SDS: variants seen among roughly 807,000 people sequenced by gnomAD.
SDS encodes the protein L-serine dehydratase/L-threonine deaminase.
SDS carries 19 observed loss-of-function variants against 29.3 expected under a neutral mutation model. The ratio of observed to expected loss-of-function variants is 0.65; its 90% CI spans 0.45 to 0.95. SDS has a LOEUF of 0.95. Ranked by LOEUF, SDS falls within the 40% of genes least tolerant of loss-of-function variation. The pLI, the probability that SDS is intolerant of heterozygous loss-of-function variation, is 0.00. For missense variants in SDS, 375 were observed against 439.9 expected, an observed-to-expected ratio of 0.85 and a Z score of 1.32; for synonymous variants, 176 against 189.0, an observed-to-expected ratio of 0.93 and a Z score of 0.56.
intron 6 of SDS, among the ~76,000 whole-genome samples, chr12:113,394,786 A>G (rs974064151): frequency 6.6e-6 from 1 of 152,034 alleles, no homozygotes; most frequent in African/African-American, 2.4e-5. Flanking sequence ...CCGGGTTACA[A>G]CCGCTACCTG....
intron 7 of SDS, among the ~76,000 whole-genome samples, chr12:113,393,455 A>G (rs1300994264): frequency 6.6e-6 from 1 of 152,250 alleles, no homozygotes; most frequent in African/African-American, 2.4e-5. Context: ...CCAAGTGTGC[A>G]GCAGGTACAG....
intron 3 of SDS, 21 bp downstream of exon 3, chr12:113,399,091 A>G (rs1957667656): frequency 1.9e-6 from 3 of 1,613,538 alleles, no homozygotes; most frequent in Non-Finnish European, 2.5e-6. Flanking sequence ...AGAGGACAGG[A>G]TGGGGAAGCA....
rs147604475 is a variant in SDS at position 113,393,798 on chromosome 12, C to T, written c.778+94G>A. 10,065 of 1,547,120 alleles carry T rather than the reference C, an allele frequency of 6.5e-3. 142 individuals carry two copies. Among genetic ancestry groups the T allele is most frequent in the African/African-American group, 0.049 (3,636 of 73,538 alleles). ...GTGGAAGACAGAACTGTGAAGGAAACTTGGGGTGAGTGGGATCCCCAGTGG... is the reference window on the plus strand; with the variant it reads ...GTGGAAGACAGAACTGTGAAGGAAATTTGGGGTGAGTGGGATCCCCAGTGG... On this transcript the variant is annotated intron_variant, in intron 7 of 7. Coordinates refer to ENST00000257549, the MANE Select transcript of SDS (RefSeq NM_006843.3).
chr12:113,394,053 G>A (rs1455007883), intron 6 of SDS, 37 bp from the exon 7 acceptor site: 21 of 1,609,690 alleles, frequency 1.3e-5, no homozygotes, highest in East Asian at 4.5e-5. Context: ...GATGGGAGTG[G>A]GGGAAACAGG....
At chr12:113,398,967 G>A (rs1957667107) in intron 3 of SDS, 121 bp from the exon 4 acceptor site, 16 of 1,523,136 alleles carry the variant, frequency 1.1e-5, no homozygotes, top group South Asian at 4.8e-5. Context: ...CTGGGCGACT[G>A]CTGGCCTCCC....
Position 113,395,834 on chromosome 12 carries a change from G to A in SDS, c.653+1331C>T, listed in dbSNP as rs148510250. Among the ~76,000 whole-genome samples, 912 of 152,268 alleles carry A rather than the reference G, an allele frequency of 6.0e-3. 13 individuals carry two copies. Among genetic ancestry groups the A allele is most frequent in the African/African-American group, 0.02 (848 of 41,556 alleles). ...CCTAATTAAATACTATCTACCAGCC[G>A]GGTGCGGTGGCTCACGCCTGTAATC... On this transcript the variant is annotated intron_variant, in intron 6 of 7. Coordinates refer to ENST00000257549, the MANE Select transcript of SDS (RefSeq NM_006843.3).
Position 113,398,842 on chromosome 12 carries a change from G to T in SDS, c.198C>A (p.Gly66=). 1 of 1,603,924 alleles carries T rather than the reference G, an allele frequency of 6.2e-7. No homozygotes were observed. Among genetic ancestry groups the T allele is most frequent in the Non-Finnish European group, 8.5e-7 (1 of 1,175,458 alleles). ...GCAHFVCSSA[G]NAGMAAAYAA... Reference sequence around the variant, plus strand: ...CATATGCAGCCGCCATGCCTGCGTTGCCCGCTGCCAGGGTCGGGGGTGGAG... The same window carrying T: ...CATATGCAGCCGCCATGCCTGCGTTTCCCGCTGCCAGGGTCGGGGGTGGAG... Residue 66 remains glycine, a synonymous_variant, in exon 4 of 8, where the codon GGC becomes GGA. Coordinates refer to ENST00000257549, the MANE Select transcript of SDS (RefSeq NM_006843.3).
intron 3 of SDS, 129 bp from the exon 4 acceptor site, chr12:113,398,975 C>A: frequency 5.2e-6 from 8 of 1,532,978 alleles, no homozygotes; most frequent in Non-Finnish European, 7.1e-6. Flanking sequence ...CTGCTGGCCT[C>A]CCCCTGGAAT....
intron 5 of SDS, among the ~76,000 whole-genome samples, chr12:113,397,661 C>T (rs1423927593): frequency 6.6e-6 from 1 of 152,204 alleles, no homozygotes; most frequent in Non-Finnish European, 1.5e-5. Context: ...CTCCCCTGCT[C>T]CTTCTCCCAG....
In SDS at chr12:113,392,968, C is replaced by CAGCT. The variant is rs747373013; in HGVS notation, c.956_959dup (p.Gly321AlafsTer6). On this transcript the variant is annotated frameshift_variant, in exon 8 of 8. Transcript: ENST00000257549. LOFTEE classifies it high-confidence loss of function. ...ACTTGGGCAACCTATTTGTCATGCC[C>CAGCT]AGCTGTTCCTTGAGCGCCCGCAGCT... 2.5e-6 allele frequency: 4 copies of CAGCT among 1,614,032 alleles called. No individual in the cohort carries two copies. The highest frequency in any genetic ancestry group is 3.4e-6 in the Non-Finnish European group (4 of 1,180,032).
At chr12:113,403,545 G>A (rs1474670048) in intron 1 of SDS, among the ~76,000 whole-genome samples, 2 of 151,546 alleles carry the variant, frequency 1.3e-5, no homozygotes, top group East Asian at 3.9e-4. Context: ...AATTTTTTTT[G>A]TAGAGATTGG....
rs1957669584 is a variant in SDS at position 113,399,329 on chromosome 12, AG to A, written c.154-179del. On this transcript the variant is annotated intron_variant, in intron 2 of 7. Transcript: ENST00000257549. ...ATCTCCAAAGAGACTGGCTCAGGAAAGGGTGGAGGAAAATAGGCGACTGATG... is the reference window on the plus strand; with the variant it reads ...ATCTCCAAAGAGACTGGCTCAGGAAAGGTGGAGGAAAATAGGCGACTGATG... 4.7e-6 allele frequency: 4 copies of A among 856,298 alleles called. No homozygotes were observed. The South Asian group carries it at 4.9e-5, about 10-fold the overall frequency. The allele number at this position is 856,298 out of a possible 1,614,324, so 53.0% of individuals were successfully genotyped here.
chr12:113,394,282 C>T (rs1224907079), intron 6 of SDS, among the ~76,000 whole-genome samples: 1 of 150,484 alleles, frequency 6.6e-6, no homozygotes, highest in African/African-American at 2.4e-5. Flanking sequence ...TTTTTTGAGA[C>T]TGAGTGTCAC....
rs1957619338 is a variant in SDS at position 113,392,865 on chromosome 12, G to A, written c.*76C>T. The A allele has an allele frequency of 7.2e-7, 1 of 1,380,970 alleles. No individual in the cohort carries two copies. The highest frequency in any genetic ancestry group is 2.3e-5 in the East Asian group (1 of 43,882). The allele number at this position is 1,380,970 out of a possible 1,614,324, so 85.5% of individuals were successfully genotyped here. A position where few individuals can be genotyped will look rare whatever the true frequency, so the allele number is the denominator to read the frequency against. On this transcript the variant is annotated 3_prime_UTR_variant, in exon 8 of 8. Coordinates refer to ENST00000257549, the MANE Select transcript of SDS (RefSeq NM_006843.3). ...ACAGGTGCTCAGCCAAACATACGACGAGGCGCTGGATAAAACTCCAGCCCC... is the reference window on the plus strand; with the variant it reads ...ACAGGTGCTCAGCCAAACATACGACAAGGCGCTGGATAAAACTCCAGCCCC...
chr12:113,399,112 C>T lies in SDS; in HGVS notation c.193G>A (p.Ala65Thr). 1 of 1,614,030 alleles carries T rather than the reference C, an allele frequency of 6.2e-7. No individual in the cohort carries two copies. The highest frequency in any genetic ancestry group is 8.5e-7 in the Non-Finnish European group (1 of 1,179,960). ...CAGGATGGGGAAGCAGATCACTTAC[C>T]CGAGGAGCAGACAAAATGTGCACAG... ...QGCAHFVCSSAGNAGMAAAYA... is the reference protein window; with the variant it reads ...QGCAHFVCSSTGNAGMAAAYA... The change falls in exon 3 of 8, where the codon GCG (alanine) becomes ACG (threonine). Residue 65 changes from alanine to threonine, a missense_variant and splice_region_variant. Ala to Thr is a moderately conservative substitution (Grantham distance 58). Coordinates refer to ENST00000257549, the MANE Select transcript of SDS (RefSeq NM_006843.3).
At chr12:113,396,256 G>A (rs972678940) in intron 6 of SDS, among the ~76,000 whole-genome samples, 5 of 152,118 alleles carry the variant, frequency 3.3e-5, no homozygotes, top group Admixed American at 2.0e-4. Flanking sequence ...AAAGTAATGA[G>A]GTATGTAAAA....
intron 1 of SDS, among the ~76,000 whole-genome samples, chr12:113,400,665 AT>A (rs1321288580): frequency 6.6e-6 from 1 of 151,762 alleles, no homozygotes; most frequent in Admixed American, 6.6e-5. Flanking sequence ...TATTTTTTTA[AT>A]TTTTTTATTT....
At position 113,399,899 on chromosome 12, in the gene SDS, C is replaced by T. The variant is rs1301546608; in HGVS notation, c.-2-189G>A. Among the ~76,000 whole-genome samples the T allele has an allele frequency of 2.6e-5, 4 of 152,336 alleles. No homozygotes were observed. In the East Asian group the frequency reaches 7.7e-4, roughly 29 times the overall value. ...ATGTGACATCAGACAGGTAATCACGCCTTGGCCTCAGCTCTATCAGGGATC... is the reference window on the plus strand; with the variant it reads ...ATGTGACATCAGACAGGTAATCACGTCTTGGCCTCAGCTCTATCAGGGATC... On this transcript the variant is annotated intron_variant, in intron 1 of 7. Transcript: ENST00000257549.
chr12:113,398,397 C>CGCACACCACCATGTAGAA, intron 5 of SDS, 118 bp downstream of exon 5: 1 of 686,028 alleles, frequency 1.5e-6, no homozygotes, highest in Non-Finnish European at 2.6e-6. Flanking sequence ...TGGTGGTGTG[C>CGCACACCACCATGTAGAA]GCACACATGT....
Sources: allele counts gnomAD v4.1 joint callset (sites outside exome capture counted in the v4.1 genomes callset), GRCh38; gene constraint gnomAD v4.1.1; transcripts MANE v1.5; gene names NCBI Gene and HGNC (gene_info 2026-07-23, HGNC 2026-07-21).